The following NFATC2 variants were observed in gnomAD, a reference collection of about 807,000 sequenced individuals.
NFATC2 encodes the protein nuclear factor of activated T cells 2.
A neutral mutation model predicts 87.3 loss-of-function variants in NFATC2; 22 were observed. The ratio of observed to expected loss-of-function variants is 0.25; its 90% CI spans 0.18 to 0.36. NFATC2 has a LOEUF of 0.36. Among genes scored for constraint, NFATC2 ranks in the 10% least tolerant of loss-of-function variants. The pLI, the probability that NFATC2 is intolerant of heterozygous loss-of-function variation, is 1.00. For missense variants in NFATC2, 1,149 were observed against 1,259.1 expected (o/e 0.91, Z 1.32); for synonymous variants, 565 against 542.2 (o/e 1.04, Z -0.58).
At position 51,432,787 on chromosome 20, in the gene NFATC2, C is replaced by A; in HGVS notation, c.2033-31G>T. 1 of 1,517,696 alleles carries A rather than the reference C, an allele frequency of 6.6e-7. No individual in the cohort carries two copies. Among genetic ancestry groups the A allele is most frequent in the South Asian group, 1.3e-5 (1 of 77,892 alleles). 94.0% of individuals were successfully genotyped at this position (1,517,696 alleles called of 1,614,324 possible). A position where few individuals can be genotyped will look rare whatever the true frequency, so the allele number is the denominator to read the frequency against. ...AGGAGAAAAGAGCACATAGGGGCGC[C>A]CATGGCAGTGAGCCACGGATGTGCA... is the stretch of plus-strand genomic sequence containing the variant. On this transcript the variant is annotated intron_variant, in intron 8 of 10. Coordinates refer to ENST00000371564, the MANE Select transcript of NFATC2 (RefSeq NM_012340.5). The surrounding 1 kb of genome is among the most constrained non-coding windows in gnomAD (Gnocchi z 4.6).
In NFATC2 at chr20:51,437,585, T is replaced by C. The variant is rs8122663; in HGVS notation, c.1850-1824A>G. Among the ~76,000 whole-genome samples, 914 of 144,586 alleles carry C rather than the reference T, an allele frequency of 6.3e-3. 10 individuals carry two copies. The highest frequency in any genetic ancestry group is 0.02 in the African/African-American group (815 of 40,326). The allele number at this position is 144,586 out of a possible 152,430, so 94.9% of individuals were successfully genotyped here. ...AACATACTCCCACCCACCTCCCCCA[T>C]GAAAAATTAATATAAAGTATTGTGA... On this transcript the variant is annotated intron_variant, in intron 6 of 10. Coordinates refer to ENST00000371564, the MANE Select transcript of NFATC2 (RefSeq NM_012340.5).
chr20:51,388,659 A>C lies in NFATC2; in HGVS notation c.*2837T>G, dbSNP rs561586744. 4.7e-4 allele frequency: 71 copies of C among 152,330 alleles called. No homozygotes were observed. Among genetic ancestry groups the C allele is most frequent in the African/African-American group, 1.7e-3 (69 of 41,584 alleles). 9.4% of individuals were successfully genotyped at this position (152,330 alleles called of 1,614,324 possible). On this transcript the variant is annotated 3_prime_UTR_variant, in exon 11 of 11. Transcript: ENST00000371564. ...AGAAAATAAAATTTAATAACATACT[A>C]ATCTGGATTGCTATACATATTATCA...
intron 3 of NFATC2, among the ~76,000 whole-genome samples, chr20:51,483,350 TA>T (rs200279780): frequency 0.51 from 8,324 of 16,186 alleles, 287 homozygotes; most frequent in African/African-American, 0.52. Flanking sequence ...CGATGTTAAG[TA>T]GCATTTTGTT....
chr20:51,481,499 G>A (rs951191669), intron 3 of NFATC2, among the ~76,000 whole-genome samples: 8 of 152,148 alleles, frequency 5.3e-5, no homozygotes, highest in Admixed American at 3.9e-4. Context: ...AGGTGAGAGC[G>A]AAAGTTTTCT....
chr20:51,456,126 G>A (rs1986513196), intron 5 of NFATC2, among the ~76,000 whole-genome samples: 1 of 150,306 alleles, frequency 6.7e-6, no homozygotes, highest in African/African-American at 2.5e-5. Flanking sequence ...ACAGATGGGT[G>A]GGTGAGTGGA....
chr20:51,475,260 C>T (rs549318497), intron 4 of NFATC2, among the ~76,000 whole-genome samples, 198 bp downstream of exon 4: 3 of 152,256 alleles, frequency 2.0e-5, no homozygotes, highest in African/African-American at 4.8e-5. Context: ...CGAGCCACCA[C>T]GCCCGGCCTA....
At chr20:51,501,707 G>T (rs1000786066) in intron 3 of NFATC2, among the ~76,000 whole-genome samples, 5 of 152,144 alleles carry the variant, frequency 3.3e-5, no homozygotes, top group African/African-American at 1.2e-4. Flanking sequence ...CAACCTGACA[G>T]ATTGTGGAAT....
At chr20:51,491,276 G>A (rs1414954517) in intron 3 of NFATC2, among the ~76,000 whole-genome samples, 3 of 150,896 alleles carry the variant, frequency 2.0e-5, no homozygotes, top group African/African-American at 7.3e-5. Flanking sequence ...GCATAAAATG[G>A]ACAAGGTTAA....
At position 51,432,560 on chromosome 20, in the gene NFATC2, C is replaced by G; in HGVS notation, c.2229G>C (p.Gln743His). 6.5e-7 allele frequency: 1 copy of G among 1,539,922 alleles called. No homozygotes were observed. The highest frequency in any genetic ancestry group is 8.7e-7 in the Non-Finnish European group (1 of 1,144,178). Residue 743 changes from glutamine (Q) to histidine (H), a missense_variant, in exon 9 of 11, where the codon CAG becomes CAC. Coordinates refer to ENST00000371564, the MANE Select transcript of NFATC2 (RefSeq NM_012340.5). This position sits in a 1 kb window ranked among gnomAD's most constrained non-coding sequence, Gnocchi z 4.6. ...AGAGTACGGCCGCTGGGTTCTGTTG[C>G]TGGTAGCGGGCGTCAGGGGATGAGA... ...TGLSSPDARY[Q>H]QQNPAAVLYQ...
intron 1 of NFATC2, among the ~76,000 whole-genome samples, chr20:51,533,465 G>A (rs981021074): frequency 4.6e-5 from 7 of 152,338 alleles, no homozygotes; most frequent in South Asian, 4.1e-4. Flanking sequence ...CCCTTCGTTC[G>A]GAGGTGACAC....
intron 1 of NFATC2, among the ~76,000 whole-genome samples, chr20:51,540,663 T>TTTTTTTTTTTTTTTTTTTTTTTTTG (rs1555818354): frequency 4.4e-5 from 6 of 135,772 alleles, no homozygotes; most frequent in East Asian, 4.6e-4. Context: ...TTTTTGTTTT[T>TTTTTTTTTTTTTTTTTTTTTTTTTG]TTTTTTTTGA....
At position 51,538,420 on chromosome 20, in the gene NFATC2, C is replaced by T. The variant is rs565417087; in HGVS notation, c.130+3950G>A. On this transcript the variant is annotated intron_variant, in intron 1 of 10. Transcript: ENST00000371564. ...AAAGAAAGAACTAATACTTCCTTTA[C>T]ATAATTCATACACCTCAATTTTAAA... is the stretch of plus-strand genomic sequence containing the variant. Among the ~76,000 whole-genome samples, 4 of 152,320 alleles carry T rather than the reference C, an allele frequency of 2.6e-5. No homozygotes were observed. The South Asian group carries it at 8.3e-4, about 32-fold the overall frequency.
chr20:51,447,896 C>G (rs1985273497), intron 6 of NFATC2, among the ~76,000 whole-genome samples: 1 of 152,244 alleles, frequency 6.6e-6, no homozygotes, highest in South Asian at 2.1e-4. Context: ...GATTCCACCT[C>G]TGTCACCAGT....
chr20:51,433,797 G>A (rs1398706660), intron 8 of NFATC2, among the ~76,000 whole-genome samples: 1 of 151,830 alleles, frequency 6.6e-6, no homozygotes, highest in Non-Finnish European at 1.5e-5. Flanking sequence ...GTTGTGGTGG[G>A]GGACCTCCAA....
intron 9 of NFATC2, among the ~76,000 whole-genome samples, chr20:51,425,745 A>C (rs1409467926): frequency 2.0e-5 from 3 of 152,038 alleles, no homozygotes; most frequent in Admixed American, 6.5e-5. Context: ...CTGCTTCCTG[A>C]GCTTTGGAGG....
At chr20:51,407,821 TAAA>T (rs770383382) in intron 9 of NFATC2, among the ~76,000 whole-genome samples, 1 of 152,342 alleles carries the variant, frequency 6.6e-6, no homozygotes, top group East Asian at 1.9e-4. Flanking sequence ...CGGTCCAACT[TAAA>T]GAAGGAGAAA....
Position 51,435,243 on chromosome 20 carries a change from G to A in NFATC2, c.1977C>T (p.Tyr659=), listed in dbSNP as rs142900177. Residue 659 remains tyrosine, a synonymous_variant, in exon 8 of 11, where the codon TAC becomes TAT. Transcript: ENST00000371564. ...TTCGTTTTCTCTTCCCATTGATGAC[G>A]TAGAAGTTCACTTTTACAGGTGTGC... is the stretch of plus-strand genomic sequence containing the variant. ...HIRTPVKVNF[Y]VINGKRKRSQ... The A allele has an allele frequency of 1.3e-5, 21 of 1,614,012 alleles. No homozygotes were observed. The highest frequency in any genetic ancestry group is 2.2e-5 in the East Asian group (1 of 44,894).
Position 51,391,043 on chromosome 20 carries a change from G to GT in NFATC2, c.*452dup. ...TTTAATCACAGTGCCCACATCTTCT[G>GT]TCCCCCGTCCATCCCCCCAAGCTCC... On this transcript the variant is annotated 3_prime_UTR_variant, in exon 11 of 11. Coordinates refer to ENST00000371564, the MANE Select transcript of NFATC2 (RefSeq NM_012340.5). The GT allele has an allele frequency of 2.4e-6, 1 of 416,260 alleles. No homozygotes were observed. The highest frequency in any genetic ancestry group is 4.6e-6 in the Non-Finnish European group (1 of 218,958). The allele number at this position is 416,260 out of a possible 1,614,324, so 25.8% of individuals were successfully genotyped here.
intron 6 of NFATC2, among the ~76,000 whole-genome samples, chr20:51,442,836 C>T (rs1055866859): frequency 1.3e-5 from 2 of 151,712 alleles, no homozygotes; most frequent in East Asian, 1.9e-4. Context: ...GACTCAGCTC[C>T]GGCACAGCTG....
Sources: allele counts gnomAD v4.1 joint callset (sites outside exome capture counted in the v4.1 genomes callset), GRCh38; gene constraint gnomAD v4.1.1; non-coding constraint Gnocchi (gnomAD v3.1); transcripts MANE v1.5; gene names NCBI Gene and HGNC (gene_info 2026-07-23, HGNC 2026-07-21).